Variants in NEK7 observed in about 807,000 individuals in gnomAD.
NEK7 encodes the protein serine/threonine-protein kinase Nek7.
In NEK7, 18 loss-of-function variants were observed where a neutral mutation model predicts 44.6. The ratio of observed to expected loss-of-function variants is 0.40; its 90% CI spans 0.28 to 0.60. The LOEUF (loss-of-function observed/expected upper bound fraction) is 0.60, where lower values mean the gene tolerates loss of function less well. NEK7 is among the 20% of genes least tolerant of loss of function. NEK7 has a pLI of 0.38. For synonymous variants in NEK7, 130 were observed against 121.1 expected (o/e 1.07, Z -0.48); for missense variants, 256 against 366.5 (o/e 0.70, Z 2.46).
At chr1:198,212,967 G>T (rs530376380) in intron 1 of NEK7, among the ~76,000 whole-genome samples, 1 of 152,302 alleles carries the variant, frequency 6.6e-6, no homozygotes, top group East Asian at 1.9e-4. Flanking sequence ...TACTGTTACA[G>T]CTGGTATTTG....
At chr1:198,251,407 G>A (rs1652973194) in intron 2 of NEK7, among the ~76,000 whole-genome samples, 1 of 131,556 alleles carries the variant, frequency 7.6e-6, no homozygotes. Context: ...AGTTAGGGAG[G>A]ATTCTCTCTT....
At chr1:198,173,071 T>G (rs186579337) in intron 1 of NEK7, among the ~76,000 whole-genome samples, 82 of 152,230 alleles carry the variant, frequency 5.4e-4, no homozygotes, top group African/African-American at 1.9e-3. Flanking sequence ...GAGACTGATA[T>G]ATAGCAGCAG....
In NEK7 at chr1:198,269,233, A is replaced by G. The variant is rs74789327; in HGVS notation, c.372+4998A>G. Among the ~76,000 whole-genome samples the G allele has an allele frequency of 2.3e-3, 352 of 152,178 alleles. 2 individuals carry two copies. The highest frequency in any genetic ancestry group is 8.2e-3 in the African/African-American group (340 of 41,538). ...TAGATGTATAGAAGTTGGTTGTTTTACTTCTATTACACTTCTCTGTTCCAG... is the reference window on the plus strand; with the variant it reads ...TAGATGTATAGAAGTTGGTTGTTTTGCTTCTATTACACTTCTCTGTTCCAG... On this transcript the variant is annotated intron_variant, in intron 5 of 9. Transcript: ENST00000367385.
intron 8 of NEK7, among the ~76,000 whole-genome samples, chr1:198,294,609 A>G (rs1486636279): frequency 6.6e-6 from 1 of 152,114 alleles, no homozygotes; most frequent in Non-Finnish European, 1.5e-5. Context: ...ATTCTTTTAG[A>G]TTTAGCATAC....
intron 1 of NEK7, among the ~76,000 whole-genome samples, chr1:198,188,324 A>T (rs1012226696): frequency 2.6e-5 from 4 of 152,178 alleles, no homozygotes; most frequent in African/African-American, 9.7e-5. Context: ...TTAGTGATGA[A>T]AGCAAGGCAG....
chr1:198,210,741 C>CTTTTTTTTTTTTTTTT lies in NEK7; in HGVS notation c.-28-21798_-28-21783dup, dbSNP rs140181207. Among the ~76,000 whole-genome samples the CTTTTTTTTTTTTTTTT allele has an allele frequency of 4.2e-4, 24 of 57,536 alleles. 3 individuals carry two copies. The highest frequency in any genetic ancestry group is 7.7e-4 in the Non-Finnish European group (24 of 31,000). 37.7% of individuals were successfully genotyped at this position (57,536 alleles called of 152,430 possible). On this transcript the variant is annotated intron_variant, in intron 1 of 9. Coordinates refer to ENST00000367385, the MANE Select transcript of NEK7 (RefSeq NM_133494.3). Reference sequence around the variant, plus strand: ...GTCATTGTCCCTTCAATTTGTATTTCTTTTTTTTTTTTTTTTTTTTTTTTT... The same window carrying CTTTTTTTTTTTTTTTT: ...GTCATTGTCCCTTCAATTTGTATTTCTTTTTTTTTTTTTTTTTTTTTTTTTTTTTTTTTTTTTTTTT...
chr1:198,212,396 G>A (rs1304875537), intron 1 of NEK7, among the ~76,000 whole-genome samples: 5 of 152,164 alleles, frequency 3.3e-5, no homozygotes, highest in Admixed American at 6.5e-5. Flanking sequence ...AAAACACTGC[G>A]GGTGTGAGAC....
At position 198,195,787 on chromosome 1, in the gene NEK7, T is replaced by C. The variant is rs372708523; in HGVS notation, c.-28-36766T>C. On this transcript the variant is annotated intron_variant, in intron 1 of 9. Transcript: ENST00000367385. The stretch of plus-strand genomic sequence containing the variant: ...TTGCAGTGAGCTGAGATTGCGCCAC[T>C]GCACTCCAGCCTTGGTGAGTGGGAC... Among the ~76,000 whole-genome samples, 251 of 152,290 alleles carry C rather than the reference T, an allele frequency of 1.6e-3. 1 individual carries two copies. The highest frequency in any genetic ancestry group is 5.6e-3 in the African/African-American group (234 of 41,564).
chr1:198,184,516 G>A (rs1375286706), intron 1 of NEK7, among the ~76,000 whole-genome samples: 2 of 151,936 alleles, frequency 1.3e-5, no homozygotes, highest in Non-Finnish European at 2.9e-5. Flanking sequence ...AAGATCTAGG[G>A]GATTTATGAC....
intron 1 of NEK7, among the ~76,000 whole-genome samples, chr1:198,210,602 G>A (rs967603403): frequency 7.1e-6 from 1 of 141,646 alleles, no homozygotes; most frequent in African/African-American, 2.7e-5. Flanking sequence ...CTGAGTAAAA[G>A]TATATGAAAA....
intron 3 of NEK7, among the ~76,000 whole-genome samples, chr1:198,261,709 C>A (rs968853390): frequency 6.6e-6 from 1 of 151,860 alleles, no homozygotes; most frequent in Admixed American, 6.6e-5. Context: ...TTATTTTCCA[C>A]ACACTTAGAA....
intron 1 of NEK7, among the ~76,000 whole-genome samples, chr1:198,169,481 G>C (rs934251004): frequency 2.6e-5 from 4 of 152,078 alleles, no homozygotes; most frequent in Non-Finnish European, 5.9e-5. Context: ...CATATTGCCT[G>C]ACTCACTCTG....
chr1:198,212,871 A>G (rs1242974549), intron 1 of NEK7, among the ~76,000 whole-genome samples: 1 of 149,208 alleles, frequency 6.7e-6, no homozygotes, highest in Non-Finnish European at 1.5e-5. Flanking sequence ...GAAGAAGAAA[A>G]CATTTGCATG....
At chr1:198,183,964 G>C (rs939127940) in intron 1 of NEK7, among the ~76,000 whole-genome samples, 3 of 152,058 alleles carry the variant, frequency 2.0e-5, no homozygotes, top group Non-Finnish European at 4.4e-5. Context: ...TGGATATCTT[G>C]GAATGTAGGT....
At chr1:198,271,710 A>G (rs571541227) in intron 5 of NEK7, among the ~76,000 whole-genome samples, 1 of 151,896 alleles carries the variant, frequency 6.6e-6, no homozygotes, top group East Asian at 1.9e-4. Flanking sequence ...TGTATAGCCC[A>G]TATCAGACAA....
chr1:198,198,050 C>T, intron 1 of NEK7: 1 of 1,503,504 alleles, frequency 6.7e-7, no homozygotes, highest in Non-Finnish European at 8.9e-7. Context: ...GCTGGATTGC[C>T]CTGGGAGAGG....
At chr1:198,291,649 T>A (rs1000754888) in intron 7 of NEK7, among the ~76,000 whole-genome samples, 17 of 152,168 alleles carry the variant, frequency 1.1e-4, no homozygotes, top group Admixed American at 1.1e-3. Context: ...ACTTTTTTTT[T>A]TAACGTTTCT....
At chr1:198,228,185 C>T (rs1240573742) in intron 1 of NEK7, among the ~76,000 whole-genome samples, 1 of 152,050 alleles carries the variant, frequency 6.6e-6, no homozygotes, top group Non-Finnish European at 1.5e-5. Context: ...TGTAGATATG[C>T]AGCATTATTT....
At chr1:198,264,036 G>T in intron 4 of NEK7, 89 bp from the exon 5 acceptor site, 1 of 1,306,256 alleles carries the variant, frequency 7.7e-7, no homozygotes. Context: ...TAAAAAATAC[G>T]GTGAAGTTTG....
Sources: gnomAD v4.1 joint callset for allele counts (sites outside exome capture counted in the v4.1 genomes callset) on GRCh38, gnomAD v4.1.1 for gene constraint, MANE v1.5 for transcripts, NCBI Gene and HGNC (gene_info 2026-07-23, HGNC 2026-07-21) for gene names.